Variants in MYO6 observed in about 807,000 individuals in gnomAD.
The protein encoded by MYO6 is unconventional myosin-VI.
In MYO6, 74 loss-of-function variants were observed where a neutral mutation model predicts 178.7. The ratio of observed to expected loss-of-function variants is 0.41; its 90% CI spans 0.34 to 0.50. MYO6 has a LOEUF of 0.50. Among genes scored for constraint, MYO6 ranks in the 20% least tolerant of loss-of-function variants. The pLI is 0.09. For synonymous variants in MYO6, 477 were observed against 504.6 expected (o/e 0.95, Z 0.73); for missense variants, 1,330 against 1,547.4 (o/e 0.86, Z 2.36).
At chr6:75,892,826 T>A in intron 28 of MYO6, 136 bp downstream of exon 28, 2 of 896,150 alleles carry the variant, frequency 2.2e-6, no homozygotes, top group Admixed American at 2.9e-5. Context: ...AAAATAATTT[T>A]AAAATTATTT....
intron 1 of MYO6, among the ~76,000 whole-genome samples, chr6:75,757,004 AGTGTGT>A (rs1777456052): frequency 2.3e-5 from 3 of 132,044 alleles, no homozygotes; most frequent in Admixed American, 1.6e-4. Flanking sequence ...ACACATATAT[AGTGTGT>A]ATATATGTAT....
chr6:75,791,738 C>A (rs1768271366), intron 1 of MYO6, among the ~76,000 whole-genome samples: 1 of 152,136 alleles, frequency 6.6e-6, no homozygotes. Context: ...AAAATTGTTA[C>A]TATTTATTTG....
chr6:75,866,723 A>G (rs1776736492), intron 17 of MYO6, 102 bp downstream of exon 17: 5 of 1,195,336 alleles, frequency 4.2e-6, no homozygotes, highest in Admixed American at 1.8e-5. Flanking sequence ...TCACGTGGTT[A>G]TTTAAATTAA....
At chr6:75,752,350 G>T (rs1329117039) in intron 1 of MYO6, among the ~76,000 whole-genome samples, 4 of 152,144 alleles carry the variant, frequency 2.6e-5, no homozygotes, top group Non-Finnish European at 4.4e-5. Context: ...GTATAAGATT[G>T]TTGCACATTT....
intron 25 of MYO6, among the ~76,000 whole-genome samples, chr6:75,888,738 C>T (rs1778665215): frequency 6.6e-6 from 1 of 152,096 alleles, no homozygotes; most frequent in Non-Finnish European, 1.5e-5. Flanking sequence ...CTCTTTTATG[C>T]ATACATTTTT....
intron 1 of MYO6, among the ~76,000 whole-genome samples, chr6:75,757,359 CTG>C (rs372864392): frequency 0.019 from 2,711 of 145,842 alleles, 76 homozygotes; most frequent in African/African-American, 0.064. Flanking sequence ...CATCAGAAGT[CTG>C]TGTGTGTGTG....
At chr6:75,870,996 T>A (rs892674381) in intron 19 of MYO6, among the ~76,000 whole-genome samples, 1 of 152,216 alleles carries the variant, frequency 6.6e-6, no homozygotes, top group Admixed American at 6.5e-5. Context: ...AATTCAATCT[T>A]ATTTTATTAC....
At chr6:75,794,617 C>T (rs773874480) in intron 1 of MYO6, among the ~76,000 whole-genome samples, 20 of 151,628 alleles carry the variant, frequency 1.3e-4, no homozygotes, top group African/African-American at 2.9e-4. Flanking sequence ...GACTCAAATA[C>T]GTACCTAGGA....
At chr6:75,822,534 A>G (rs548163797) in intron 2 of MYO6, among the ~76,000 whole-genome samples, 2 of 152,102 alleles carry the variant, frequency 1.3e-5, no homozygotes, top group East Asian at 3.9e-4. Context: ...TAGGTGTTGG[A>G]GCCTAGGATA....
rs746851083 is a variant in MYO6, at chr6:75,848,449, A to T, written c.996A>T (p.Glu332Asp). The change falls in exon 11 of 35, where the codon GAA becomes GAT. Residue 332 changes from glutamate to aspartate, a missense_variant. Glu to Asp is a conservative substitution (Grantham distance 45, BLOSUM62 2). This residue lies in a region of MYO6 where 613 missense variants were observed against 816.8 expected (regional missense o/e 0.75). Coordinates refer to ENST00000369977, the MANE Select transcript of MYO6 (RefSeq NM_004999.4). ...TGAAAAAAATTGGTTTGGATGATGA[A>T]GAAAAGCTTGATCTCTTCCGGGTAG... ...TAMKKIGLDD[E>D]EKLDLFRVVA... 12 of 1,613,946 alleles carry T rather than the reference A, an allele frequency of 7.4e-6. No homozygotes were observed. The highest frequency in any genetic ancestry group is 9.3e-6 in the Non-Finnish European group (11 of 1,179,874).
intron 3 of MYO6, among the ~76,000 whole-genome samples, chr6:75,823,816 C>G (rs1772157345): frequency 6.6e-6 from 1 of 152,140 alleles, no homozygotes; most frequent in Non-Finnish European, 1.5e-5. Context: ...AAATTCTCAT[C>G]TGTAGAATGG....
At chr6:75,835,813 G>C (rs1773587451) in intron 6 of MYO6, 88 bp from the exon 7 acceptor site, 1 of 751,116 alleles carries the variant, frequency 1.3e-6, no homozygotes, top group African/African-American at 1.8e-5. Flanking sequence ...TGATGATCTA[G>C]GTTTCAGTTT....
intron 19 of MYO6, among the ~76,000 whole-genome samples, chr6:75,870,963 T>C (rs1427438136): frequency 6.6e-6 from 1 of 152,158 alleles, no homozygotes; most frequent in Admixed American, 6.5e-5. Context: ...AGAATTTTTC[T>C]TAGGATTAAA....
intron 21 of MYO6, 41 bp from the exon 22 acceptor site, chr6:75,880,002 A>G: frequency 1.2e-6 from 2 of 1,613,060 alleles, no homozygotes; most frequent in Non-Finnish European, 1.7e-6. Context: ...TGTCTTTTCT[A>G]TTAATAATTG....
At chr6:75,910,850 TAAAAGGAAGTGCTG>T (rs1460721827) in intron 32 of MYO6, among the ~76,000 whole-genome samples, 1 of 152,078 alleles carries the variant, frequency 6.6e-6, no homozygotes, top group Admixed American at 6.6e-5. Context: ...AAACACCCTT[TAAAAGGAAGTGCTG>T]TGTAGTCTAA....
At chr6:75,782,707 T>C (rs1340846172) in intron 1 of MYO6, among the ~76,000 whole-genome samples, 2 of 152,140 alleles carry the variant, frequency 1.3e-5, no homozygotes, top group Non-Finnish European at 2.9e-5. Flanking sequence ...TTTTAGCCTG[T>C]GTTTATGTGT....
Position 75,786,414 on chromosome 6 carries a change from C to T in MYO6, c.-47-31087C>T, listed in dbSNP as rs529762804. Among the ~76,000 whole-genome samples the T allele has an allele frequency of 2.0e-5, 3 of 152,150 alleles. No individual in the cohort carries two copies. In the South Asian group the frequency reaches 6.2e-4, roughly 32 times the overall value. ...CGTTTTAGAATAAGCTTGTCAAGTT[C>T]CTGGAAGAAAATCTGTTGAAATTTT... On this transcript the variant is annotated intron_variant, in intron 1 of 34. Coordinates refer to ENST00000369977, the MANE Select transcript of MYO6 (RefSeq NM_004999.4).
Position 75,914,260 on chromosome 6 carries a change from C to T in MYO6, c.3637C>T (p.Pro1213Ser), listed in dbSNP as rs749985011. ...ARQMELHPDK[P>S]PILLVAGKDD... ...GCAAATGGAACTCCATCCTGACAAG[C>T]CACCCATCCTACTTGTGGCTGGTGT... Residue 1213 changes from proline to serine, a missense_variant, in exon 34 of 35, where the codon CCA (proline) becomes TCA (serine). By Grantham distance (74) the Pro-to-Ser change is moderately conservative. Around this residue, in one of 3 missense-constraint regions of MYO6, gnomAD observed 601 missense variants for 626.1 expected, o/e 0.96. Coordinates refer to ENST00000369977, the MANE Select transcript of MYO6 (RefSeq NM_004999.4). 3.2e-5 allele frequency: 51 copies of T among 1,614,034 alleles called. No homozygotes were observed. Among genetic ancestry groups the T allele is most frequent in the Admixed American group, 8.3e-5 (5 of 59,996 alleles).
chr6:75,749,537 T>C (rs1776659106), intron 1 of MYO6, 114 bp downstream of exon 1: 1 of 152,270 alleles, frequency 6.6e-6, no homozygotes, highest in Non-Finnish European at 1.5e-5. Flanking sequence ...TTCTGTTCAC[T>C]GCCCGAGGAC....
Sources: gnomAD v4.1 joint callset for allele counts (sites outside exome capture counted in the v4.1 genomes callset) on GRCh38, gnomAD v4.1.1 for gene constraint, gnomAD v4.1.1 regional missense constraint, MANE v1.5 for transcripts, NCBI Gene and HGNC (gene_info 2026-07-23, HGNC 2026-07-21) for gene names.